PDE8B: variants seen among roughly 807,000 people sequenced by gnomAD.
The protein encoded by PDE8B is phosphodiesterase 8B.
A neutral mutation model predicts 101.3 loss-of-function variants in PDE8B; 26 were observed. The ratio of observed to expected loss-of-function variants is 0.26; its 90% CI spans 0.19 to 0.36. The LOEUF (loss-of-function observed/expected upper bound fraction) is 0.36. Ranked by LOEUF, PDE8B falls within the 10% of genes least tolerant of loss-of-function variation. PDE8B has a pLI of 1.00. For missense variants in PDE8B, 810 were observed against 1,163.1 expected (o/e 0.70, Z 4.42); for synonymous variants, 424 against 429.3 (o/e 0.99, Z 0.15).
chr5:77,099,625 T>C, the PDE8B span, among the ~76,000 whole-genome samples: 1 of 151,442 alleles, frequency 6.6e-6, no homozygotes, highest in South Asian at 2.1e-4. Context: ...TTTTTTTTTC[T>C]TTGTGAGACG....
chr5:77,382,704 T>A (rs1392061193), intron 10 of PDE8B, among the ~76,000 whole-genome samples: 1 of 152,176 alleles, frequency 6.6e-6, no homozygotes, highest in Non-Finnish European at 1.5e-5. Context: ...TTGTCTGTTC[T>A]TGTGTTAGTT....
In PDE8B at chr5:77,311,978, G is replaced by A; in HGVS notation, c.340-16G>A. ...GTTTAAGACTTGACGCTTCTCTTGTGCTGTCCTTTATTTAGCAGGTGTCTT... is the reference window on the plus strand; with the variant it reads ...GTTTAAGACTTGACGCTTCTCTTGTACTGTCCTTTATTTAGCAGGTGTCTT... On this transcript the variant is annotated splice_polypyrimidine_tract_variant and intron_variant, in intron 1 of 21. Transcript: ENST00000264917. 6.2e-7 allele frequency: 1 copy of A among 1,608,994 alleles called. No homozygotes were observed. The highest frequency in any genetic ancestry group is 8.5e-7 in the Non-Finnish European group (1 of 1,175,370).
At chr5:77,269,142 G>T (rs978790464) in intron 1 of PDE8B, among the ~76,000 whole-genome samples, 2 of 151,958 alleles carry the variant, frequency 1.3e-5, no homozygotes, top group Non-Finnish European at 2.9e-5. Context: ...AGCATTTGTT[G>T]TTGCCTGTCT....
chr5:77,388,291 G>A (rs1789162736), intron 10 of PDE8B, among the ~76,000 whole-genome samples: 1 of 152,144 alleles, frequency 6.6e-6, no homozygotes, highest in Non-Finnish European at 1.5e-5. Flanking sequence ...TGATGTTGAT[G>A]CTATTCCTGT....
intron 10 of PDE8B, among the ~76,000 whole-genome samples, chr5:77,379,596 A>G (rs1313540278): frequency 6.6e-6 from 1 of 152,142 alleles, no homozygotes; most frequent in African/African-American, 2.4e-5. Flanking sequence ...ACAAATGGCA[A>G]CAGCTTGTGG....
chr5:77,212,744 T>G (rs57664206), intron 1 of PDE8B, among the ~76,000 whole-genome samples: 24,311 of 151,984 alleles, frequency 0.16, 3,984 homozygotes, highest in African/African-American at 0.42. Flanking sequence ...TTTGTCAAGC[T>G]CTCTCTCTCT....
At chr5:77,172,400 G>T in the PDE8B span, among the ~76,000 whole-genome samples, 1 of 152,216 alleles carries the variant, frequency 6.6e-6, no homozygotes, top group African/African-American at 2.4e-5. Context: ...GAGCTAACAT[G>T]CTTGCACCTA....
intron 2 of PDE8B, among the ~76,000 whole-genome samples, chr5:77,313,214 G>A (rs1773072105): frequency 6.6e-6 from 1 of 151,776 alleles, no homozygotes; most frequent in Non-Finnish European, 1.5e-5. Context: ...GCAAGGAAAT[G>A]TGCTATTTGA....
At chr5:77,162,447 G>A in the PDE8B span, among the ~76,000 whole-genome samples, 12 of 152,016 alleles carry the variant, frequency 7.9e-5, no homozygotes, top group Non-Finnish European at 1.6e-4. Context: ...GAAGTAAAAA[G>A]CACCTAGAAT....
the PDE8B span, among the ~76,000 whole-genome samples, chr5:77,091,130 A>G: frequency 6.6e-6 from 1 of 152,164 alleles, no homozygotes; most frequent in African/African-American, 2.4e-5. Context: ...AGGTGATGTC[A>G]TTTTGACTTG....
chr5:77,381,533 C>T (rs982886811), intron 10 of PDE8B, among the ~76,000 whole-genome samples: 8 of 152,068 alleles, frequency 5.3e-5, no homozygotes, highest in African/African-American at 1.7e-4. Flanking sequence ...GTATTTATTT[C>T]CTTACTTGTT....
At chr5:77,204,457 A>G in the PDE8B span, among the ~76,000 whole-genome samples, 18 of 152,118 alleles carry the variant, frequency 1.2e-4, no homozygotes, top group African/African-American at 4.3e-4. Context: ...GCAAACAACA[A>G]TATTTTTTGC....
chr5:77,323,742 A>G (rs906321817), intron 2 of PDE8B, among the ~76,000 whole-genome samples: 2 of 152,162 alleles, frequency 1.3e-5, no homozygotes, highest in Non-Finnish European at 2.9e-5. Context: ...GCGGATCATG[A>G]GGTCAGGAGT....
chr5:77,243,937 A>T (rs1460539927), intron 1 of PDE8B, among the ~76,000 whole-genome samples: 1 of 152,062 alleles, frequency 6.6e-6, no homozygotes, highest in African/African-American at 2.4e-5. Context: ...TACTTGTAAC[A>T]TGCTGCATTT....
chr5:77,144,782 C>T, the PDE8B span: 1 of 152,040 alleles, frequency 6.6e-6, no homozygotes, highest in Non-Finnish European at 1.5e-5. Flanking sequence ...AACTGATAGC[C>T]AGGCCTGGCT....
chr5:77,422,534 A>G (rs758429887), intron 20 of PDE8B, among the ~76,000 whole-genome samples: 11 of 152,248 alleles, frequency 7.2e-5, no homozygotes, highest in Non-Finnish European at 1.5e-4. Flanking sequence ...CTGGAAGAAC[A>G]AAGCATTCTG....
the PDE8B span, among the ~76,000 whole-genome samples, chr5:77,131,953 A>G: frequency 2.6e-5 from 4 of 152,214 alleles, no homozygotes; most frequent in Admixed American, 6.5e-5. Flanking sequence ...ATTGAATCAC[A>G]AGATTAAATA....
rs1748110822 is a variant in PDE8B, at chr5:77,210,833, C to T, written c.-93C>T. 2.0e-6 allele frequency: 2 copies of T among 998,282 alleles called. No individual in the cohort carries two copies. Among genetic ancestry groups the T allele is most frequent in the African/African-American group, 1.8e-5 (1 of 56,788 alleles). The allele number at this position is 998,282 out of a possible 1,614,324, so 61.8% of individuals were successfully genotyped here. On this transcript the variant is annotated 5_prime_UTR_variant, in exon 1 of 22. Coordinates refer to ENST00000264917, the MANE Select transcript of PDE8B (RefSeq NM_003719.5). The surrounding 1 kb of genome is among the most constrained non-coding windows in gnomAD (Gnocchi z 4.9). The stretch of plus-strand genomic sequence containing the variant: ...CGGGGGGCGCGCAGTCCGGGCGCCG[C>T]CGCGGCCGCCCCCTCACTGCAGGTG...
intron 1 of PDE8B, chr5:77,290,144 G>C (rs1369237061): frequency 1.4e-5 from 18 of 1,282,278 alleles, no homozygotes; most frequent in Non-Finnish European, 1.9e-5. Context: ...TCCACGTGTG[G>C]AAAATGAATT....
Sources: gnomAD v4.1 joint callset for allele counts (sites outside exome capture counted in the v4.1 genomes callset) on GRCh38, gnomAD v4.1.1 for gene constraint, Gnocchi (gnomAD v3.1) non-coding constraint, MANE v1.5 for transcripts, NCBI Gene and HGNC (gene_info 2026-07-23, HGNC 2026-07-21) for gene names.